BCL11A: variants seen among roughly 807,000 people sequenced by gnomAD.
BCL11A encodes BCL11 transcription factor A, also known as B cell CLL/lymphoma 11A.
In BCL11A, 2 loss-of-function variants were observed where a neutral mutation model predicts 55.9. That is an observed-to-expected ratio of 0.04 (90% CI 0.01 to 0.11). The LOEUF is 0.11. Ranked by LOEUF, BCL11A falls within the 10% of genes least tolerant of loss-of-function variation. BCL11A has a pLI of 1.00. For synonymous variants in BCL11A, 465 were observed against 473.4 expected (o/e 0.98, Z 0.23); for missense variants, 817 against 1,137.1 (o/e 0.72, Z 4.05).
chr2:60,467,947 G>C (rs190463249), intron 3 of BCL11A, among the ~76,000 whole-genome samples: 14 of 50,220 alleles, frequency 2.8e-4, no homozygotes, highest in Admixed American at 4.8e-4. Flanking sequence ...TGGTGGTGGT[G>C]ATGGTACTGG....
chr2:60,460,431 C>T lies in BCL11A; in HGVS notation c.2481G>A (p.Val827=), dbSNP rs1373650303. ...ATTCAGTTTTTATATCATTATTCAA[C>T]ACTCGATCACTGTGCCATTTTTTCA... The part of the protein sequence containing the change: ...KHMKKWHSDR[V]LNNDIKTE The change falls in exon 4 of 4, where the codon GTG becomes GTA. Residue 827 remains valine (V), a synonymous_variant. Transcript: ENST00000642384. The T allele has an allele frequency of 2.5e-6, 4 of 1,603,956 alleles. No homozygotes were observed. The highest frequency in any genetic ancestry group is 2.7e-5 in the African/African-American group (2 of 74,710).
rs1310387725 is a variant in BCL11A at position 60,457,747 on chromosome 2, T to C, written c.*2657A>G. On this transcript the variant is annotated 3_prime_UTR_variant, in exon 4 of 4. Coordinates refer to ENST00000642384, the MANE Select transcript of BCL11A (RefSeq NM_022893.4). ...GGTAAGATGCTGGAATGTAGGGTGATAGAAGGAAAGGGACAAAAAGCACAC... is the reference window on the plus strand; with the variant it reads ...GGTAAGATGCTGGAATGTAGGGTGACAGAAGGAAAGGGACAAAAAGCACAC... 2.9e-6 allele frequency: 3 copies of C among 1,034,498 alleles called. No individual in the cohort carries two copies. The highest frequency in any genetic ancestry group is 2.3e-6 in the Non-Finnish European group (2 of 860,250). 64.1% of individuals were successfully genotyped at this position (1,034,498 alleles called of 1,614,324 possible).
intron 2 of BCL11A, 53 bp downstream of exon 2, chr2:60,545,918 C>T: frequency 6.5e-7 from 1 of 1,536,040 alleles, no homozygotes; most frequent in Non-Finnish European, 8.9e-7. Context: ...TACAGCACCT[C>T]TGAAAATGAA....
chr2:60,520,154 G>A (rs1668915052), intron 2 of BCL11A, among the ~76,000 whole-genome samples: 1 of 152,110 alleles, frequency 6.6e-6, no homozygotes, highest in Admixed American at 6.5e-5. Context: ...TGCGTGGCAA[G>A]GTATATTGAT....
chr2:60,550,171 G>A (rs1021615528), intron 1 of BCL11A, among the ~76,000 whole-genome samples: 1 of 152,136 alleles, frequency 6.6e-6, no homozygotes, highest in East Asian at 1.9e-4. Flanking sequence ...CCTAGAGCGC[G>A]CACTCCCGGT....
At chr2:60,515,585 T>C (rs1241212638) in intron 2 of BCL11A, among the ~76,000 whole-genome samples, 2 of 152,148 alleles carry the variant, frequency 1.3e-5, no homozygotes, top group Non-Finnish European at 2.9e-5. Context: ...CCTAGTTACC[T>C]AGAAAAATGG....
At chr2:60,463,922 GAAA>G (rs5831583) in intron 3 of BCL11A, among the ~76,000 whole-genome samples, 2 of 145,592 alleles carry the variant, frequency 1.4e-5, no homozygotes. Flanking sequence ...TTCTAAGAAG[GAAA>G]AAAAAAAAAA....
chr2:60,479,297 G>A (rs867794972), intron 2 of BCL11A, among the ~76,000 whole-genome samples: 42 of 152,148 alleles, frequency 2.8e-4, no homozygotes, highest in African/African-American at 8.0e-4. Flanking sequence ...TGGCCTCTGC[G>A]GGCACAGCGG....
At chr2:60,505,010 G>A (rs56089361) in intron 2 of BCL11A, among the ~76,000 whole-genome samples, 6,994 of 152,168 alleles carry the variant, frequency 0.046, 224 homozygotes, top group Non-Finnish European at 0.07. Flanking sequence ...AGAATCCCTA[G>A]TCTACCCCTG....
chr2:60,521,741 G>C (rs945201941), intron 2 of BCL11A, among the ~76,000 whole-genome samples: 1 of 152,092 alleles, frequency 6.6e-6, no homozygotes, highest in African/African-American at 2.4e-5. Context: ...GCCAAAGAAA[G>C]GTCCCAAAGC....
chr2:60,527,335 A>G (rs1192567614), intron 2 of BCL11A: 1 of 152,124 alleles, frequency 6.6e-6, no homozygotes, highest in East Asian at 1.9e-4. Flanking sequence ...AGTCTAGGAG[A>G]CCCAGCAAAT....
intron 2 of BCL11A, chr2:60,542,043 T>C (rs552114975): frequency 1.7e-6 from 1 of 601,602 alleles, no homozygotes; most frequent in African/African-American, 1.9e-5. Context: ...CATTTTGAAT[T>C]ACTATATCTC....
In BCL11A at chr2:60,485,908, A is replaced by C. The variant is rs546769943; in HGVS notation, c.386-17075T>G. 2.0e-4 allele frequency among the ~76,000 whole-genome samples: 30 copies of C among 152,176 alleles called. No individual in the cohort carries two copies. The South Asian group carries it at 5.6e-3, about 28-fold the overall frequency. ...TAATACATTGCTGCATCTGATTCTC[A>C]TTTTCAACAAGAAGGCTGAGGAATG... On this transcript the variant is annotated intron_variant, in intron 2 of 3. Coordinates refer to ENST00000642384, the MANE Select transcript of BCL11A (RefSeq NM_022893.4).
At position 60,460,741 on chromosome 2, in the gene BCL11A, T is replaced by A; in HGVS notation, c.2171A>T (p.His724Leu). The A allele has an allele frequency of 9.9e-6, 16 of 1,614,082 alleles. No individual in the cohort carries two copies. Among genetic ancestry groups the A allele is most frequent in the Non-Finnish European group, 1.4e-5 (16 of 1,180,038 alleles). Residue 724 changes from histidine (H) to leucine (L), a missense_variant, in exon 4 of 4, where the codon CAT becomes CTT. By Grantham distance (99) the His-to-Leu change is moderately conservative. Coordinates refer to ENST00000642384, the MANE Select transcript of BCL11A (RefSeq NM_022893.4). ...CCTGCCCGGGCCCGGACCACTAATA[T>A]GGGGCGTGCTCCCTCCACTTCCCGT... ...SGTGSGGSTPHISGPGPGRPS... is the reference protein window; with the variant it reads ...SGTGSGGSTPLISGPGPGRPS...
Position 60,553,615 on chromosome 2 carries a change from C to T in BCL11A, c.-345G>A. 2.8e-6 allele frequency: 1 copy of T among 353,520 alleles called. No homozygotes were observed. The highest frequency in any genetic ancestry group is 4.9e-5 in the South Asian group (1 of 20,500). The allele number at this position is 353,520 out of a possible 1,614,324, so 21.9% of individuals were successfully genotyped here. A position where few individuals can be genotyped will look rare whatever the true frequency, so the allele number is the denominator to read the frequency against. ...CAAGTTCAAGTGCGGACGTGACGTC[C>T]CTGCGAACTTGAACGTCAGGAGTCT... On this transcript the variant is annotated 5_prime_UTR_variant, in exon 1 of 4. Transcript: ENST00000642384.
In BCL11A at chr2:60,458,025, C is replaced by T; in HGVS notation, c.*2379G>A. On this transcript the variant is annotated 3_prime_UTR_variant, in exon 4 of 4. Transcript: ENST00000642384. ...GCCAAATTAAAAAAATATACTGTGG[C>T]AGCCTGTCTTTTTTTTTTCCACTAC... is the stretch of plus-strand genomic sequence containing the variant. The T allele has an allele frequency of 9.7e-7, 1 of 1,031,636 alleles. No homozygotes were observed. Among genetic ancestry groups the T allele is most frequent in the Non-Finnish European group, 1.2e-6 (1 of 858,334 alleles). 63.9% of individuals were successfully genotyped at this position (1,031,636 alleles called of 1,614,324 possible). A position where few individuals can be genotyped will look rare whatever the true frequency, so the allele number is the denominator to read the frequency against.
At chr2:60,515,257 G>A (rs1455661762) in intron 2 of BCL11A, among the ~76,000 whole-genome samples, 2 of 152,194 alleles carry the variant, frequency 1.3e-5, no homozygotes, top group East Asian at 3.9e-4. Context: ...TCCCCAGGGA[G>A]GAAGGGGGAA....
chr2:60,469,624 G>T (rs930838137), intron 2 of BCL11A, among the ~76,000 whole-genome samples: 1 of 152,224 alleles, frequency 6.6e-6, no homozygotes, highest in African/African-American at 2.4e-5. Context: ...GCACTTTGTT[G>T]TACTCTGGTG....
chr2:60,461,031 G>A lies in BCL11A; in HGVS notation c.1881C>T (p.Ser627=). ...LSKKLLLGSP[S]SLSPFSKRIK... is the part of the protein sequence containing the mutation. The stretch of plus-strand genomic sequence containing the variant: ...TGCGCTTAGAGAAGGGGCTCAGCGA[G>A]CTGGGGCTGCCCAGCAGCAGCTTTT... Residue 627 remains serine, a synonymous_variant, in exon 4 of 4, where the codon AGC becomes AGT. Transcript: ENST00000642384. 4 of 1,607,752 alleles carry A rather than the reference G, an allele frequency of 2.5e-6. No individual in the cohort carries two copies. Among genetic ancestry groups the A allele is most frequent in the African/African-American group, 1.3e-5 (1 of 74,930 alleles).
Sources: allele counts gnomAD v4.1 joint callset (sites outside exome capture counted in the v4.1 genomes callset), GRCh38; gene constraint gnomAD v4.1.1; transcripts MANE v1.5; gene names NCBI Gene and HGNC (gene_info 2026-07-23, HGNC 2026-07-21).